BABAM2: variants seen among roughly 807,000 people sequenced by gnomAD.
The protein encoded by BABAM2 is BRISC and BRCA1 A complex member 2, also known as BRISC and BRCA1-A complex member 2.
In BABAM2, 31 loss-of-function variants were observed where a neutral mutation model predicts 54.7. That is an observed-to-expected ratio of 0.57 (90% confidence interval 0.43 to 0.77). The LOEUF (loss-of-function observed/expected upper bound fraction) is 0.77. Ranked by LOEUF, BABAM2 falls within the 30% of genes least tolerant of loss-of-function variation. The pLI, the probability that BABAM2 is intolerant of heterozygous loss-of-function variation, is 0.00. For synonymous variants in BABAM2, 167 were observed against 162.9 expected (o/e 1.03, Z -0.19); for missense variants, 364 against 455.8 (o/e 0.80, Z 1.83).
intron 6 of BABAM2, among the ~76,000 whole-genome samples, chr2:28,117,500 A>G (rs1668708249): frequency 6.6e-6 from 1 of 152,194 alleles, no homozygotes; most frequent in South Asian, 2.1e-4. Context: ...AAGAGCAGGG[A>G]CACAGCTGCA....
At chr2:28,037,353 T>C (rs1485289369) in intron 5 of BABAM2, among the ~76,000 whole-genome samples, 1 of 152,192 alleles carries the variant, frequency 6.6e-6, no homozygotes, top group Non-Finnish European at 1.5e-5. Context: ...TAACTCAATA[T>C]AGCTCAGAGA....
chr2:27,988,119 T>C, intron 4 of BABAM2, 32 bp downstream of exon 4: 1 of 1,592,862 alleles, frequency 6.3e-7, no homozygotes, highest in South Asian at 1.1e-5. Flanking sequence ...GAATGATCTT[T>C]CTTTGGTGAA....
chr2:28,082,820 A>T (rs1251302551), intron 6 of BABAM2, among the ~76,000 whole-genome samples: 1 of 152,200 alleles, frequency 6.6e-6, no homozygotes, highest in African/African-American at 2.4e-5. Context: ...CTTTACTGAA[A>T]ATTGATTCTG....
At chr2:27,921,263 GATAA>G (rs1667327929) in intron 2 of BABAM2, among the ~76,000 whole-genome samples, 1 of 152,078 alleles carries the variant, frequency 6.6e-6, no homozygotes, top group African/African-American at 2.4e-5. Flanking sequence ...ACTTATTACT[GATAA>G]ATAATTTTCT....
chr2:27,908,552 G>A (rs995261015), intron 2 of BABAM2, among the ~76,000 whole-genome samples: 2 of 152,084 alleles, frequency 1.3e-5, no homozygotes, highest in Non-Finnish European at 2.9e-5. Context: ...GATTACAGGC[G>A]TGAGCCTCTG....
intron 6 of BABAM2, among the ~76,000 whole-genome samples, chr2:28,052,023 A>G (rs918916976): frequency 6.6e-6 from 1 of 152,178 alleles, no homozygotes; most frequent in African/African-American, 2.4e-5. Context: ...CCAAGAAAAA[A>G]AGCATTTGAA....
At position 28,253,131 on chromosome 2, in the gene BABAM2, C is replaced by T. The variant is rs1003087805; in HGVS notation, c.934+8269C>T. On this transcript the variant is annotated intron_variant, in intron 10 of 11. Transcript: ENST00000379624. ...ACAGGTATGGAGTGAAGGCTGAGTG[C>T]GGTGGCTCATGCCCGTAATCCTAGC... Among the ~76,000 whole-genome samples, 5 of 152,132 alleles carry T rather than the reference C, an allele frequency of 3.3e-5. No individual in the cohort carries two copies. The South Asian group carries it at 6.2e-4, about 19-fold the overall frequency.
intron 6 of BABAM2, among the ~76,000 whole-genome samples, chr2:28,069,540 T>C (rs1663927425): frequency 1.3e-5 from 2 of 152,290 alleles, no homozygotes; most frequent in East Asian, 3.9e-4. Flanking sequence ...GCTTAGTTCT[T>C]CCTAAATTCC....
chr2:28,231,714 CT>C (rs1399303188), intron 7 of BABAM2, among the ~76,000 whole-genome samples: 1 of 142,174 alleles, frequency 7.0e-6, no homozygotes. Flanking sequence ...TCTTGGAGTG[CT>C]TGGTGCTATT....
chr2:27,913,356 C>G (rs1214720450), intron 2 of BABAM2, among the ~76,000 whole-genome samples: 1 of 152,136 alleles, frequency 6.6e-6, no homozygotes, highest in African/African-American at 2.4e-5. Flanking sequence ...AGAAAGATTT[C>G]TGCATTCTAA....
intron 7 of BABAM2, among the ~76,000 whole-genome samples, chr2:28,215,836 G>A (rs1679872563): frequency 6.6e-6 from 1 of 151,948 alleles, no homozygotes. Flanking sequence ...GGTTTTCATA[G>A]TTACCCTGTA....
At chr2:28,070,869 G>A (rs1156363031) in intron 6 of BABAM2, among the ~76,000 whole-genome samples, 1 of 151,988 alleles carries the variant, frequency 6.6e-6, no homozygotes, top group African/African-American at 2.4e-5. Flanking sequence ...GTGCACTTTA[G>A]TTTTTATATA....
intron 3 of BABAM2, among the ~76,000 whole-genome samples, chr2:27,942,841 C>T (rs866257136): frequency 4.5e-5 from 6 of 134,210 alleles, no homozygotes; most frequent in African/African-American, 1.4e-4. Flanking sequence ...AAGACAGGGT[C>T]TTGCTTTGTG....
intron 6 of BABAM2, among the ~76,000 whole-genome samples, chr2:28,067,732 G>A (rs974664850): frequency 6.6e-6 from 1 of 152,082 alleles, no homozygotes; most frequent in Non-Finnish European, 1.5e-5. Flanking sequence ...GAGGGAAGGA[G>A]CATAGGTTAA....
chr2:27,891,440 A>T (rs1206467166), intron 1 of BABAM2, among the ~76,000 whole-genome samples: 1 of 152,146 alleles, frequency 6.6e-6, no homozygotes, highest in Admixed American at 6.5e-5. Context: ...GGGGTAGCAG[A>T]CCCTTGCAAA....
intron 10 of BABAM2, among the ~76,000 whole-genome samples, chr2:28,265,785 G>T (rs966640871): frequency 6.6e-5 from 10 of 152,044 alleles, no homozygotes; most frequent in African/African-American, 2.2e-4. Context: ...CTCTAAGAAT[G>T]TACCTTTAAC....
chr2:28,166,657 T>C (rs920722157), intron 7 of BABAM2, among the ~76,000 whole-genome samples: 2 of 152,174 alleles, frequency 1.3e-5, no homozygotes, highest in Non-Finnish European at 2.9e-5. Flanking sequence ...GTGACTGTGT[T>C]TGAGTCTTCT....
intron 5 of BABAM2, among the ~76,000 whole-genome samples, chr2:28,029,098 A>C (rs1239840998): frequency 6.6e-6 from 1 of 152,118 alleles, no homozygotes; most frequent in African/African-American, 2.4e-5. Flanking sequence ...TTATGATTTT[A>C]AGGTTTTACA....
intron 4 of BABAM2, among the ~76,000 whole-genome samples, chr2:28,008,070 G>C (rs577046242): frequency 6.6e-6 from 1 of 152,210 alleles, no homozygotes; most frequent in Non-Finnish European, 1.5e-5. Context: ...TGCAGTATTT[G>C]CATAGAGATG....
Sources: gnomAD v4.1 joint callset for allele counts (sites outside exome capture counted in the v4.1 genomes callset) on GRCh38, gnomAD v4.1.1 for gene constraint, MANE v1.5 for transcripts, NCBI Gene and HGNC (gene_info 2026-07-23, HGNC 2026-07-21) for gene names.